Variants in FAT3 observed in about 807,000 individuals in gnomAD.
FAT3 encodes the protein FAT atypical cadherin 3, also known as protocadherin Fat 3.
In FAT3, 95 loss-of-function variants were observed where a neutral mutation model predicts 310.2. That is an observed-to-expected ratio of 0.31 (90% CI 0.26 to 0.36). The LOEUF (loss-of-function observed/expected upper bound fraction) is 0.36, where lower values mean the gene tolerates loss of function less well. FAT3 is among the 10% of genes least tolerant of loss of function. FAT3 has a pLI of 1.00. For synonymous variants in FAT3, 2,314 were observed against 2,192.9 expected (o/e 1.06, Z -1.54); for missense variants, 5,408 against 5,715.6 (o/e 0.95, Z 1.74).
intron 2 of FAT3, among the ~76,000 whole-genome samples, chr11:92,425,543 C>G (rs987648579): frequency 1.2e-4 from 19 of 152,128 alleles, no homozygotes; most frequent in African/African-American, 3.6e-4. Flanking sequence ...CCCTTGCCCC[C>G]ACCCCCAACA....
At chr11:92,835,265 A>G (rs1332609377) in intron 15 of FAT3, among the ~76,000 whole-genome samples, 181 bp downstream of exon 15, 1 of 152,230 alleles carries the variant, frequency 6.6e-6, no homozygotes, top group African/African-American at 2.4e-5. Flanking sequence ...TATTAGGAAG[A>G]GTCTGATAGA....
chr11:92,569,981 C>T (rs1007558828), intron 3 of FAT3, among the ~76,000 whole-genome samples: 3 of 152,088 alleles, frequency 2.0e-5, no homozygotes, highest in African/African-American at 4.8e-5. Context: ...TTTGTCTGAC[C>T]GTATGTATTC....
At chr11:92,424,882 GATT>G (rs1252453429) in intron 2 of FAT3, among the ~76,000 whole-genome samples, 1 of 152,090 alleles carries the variant, frequency 6.6e-6, no homozygotes, top group Non-Finnish European at 1.5e-5. Flanking sequence ...ATTGTAATGT[GATT>G]ATTAACTTTT....
chr11:92,600,673 G>A (rs1344780509), intron 3 of FAT3, among the ~76,000 whole-genome samples: 13 of 152,024 alleles, frequency 8.6e-5, no homozygotes. Flanking sequence ...GTGCTTTGAT[G>A]GAACATGTAT....
At chr11:92,585,876 AT>A (rs1939121607) in intron 3 of FAT3, among the ~76,000 whole-genome samples, 1 of 151,640 alleles carries the variant, frequency 6.6e-6, no homozygotes, top group African/African-American at 2.4e-5. Flanking sequence ...TACCAAAAAA[AT>A]CTAACAATCT....
chr11:92,296,588 A>G (rs1946855361), intron 1 of FAT3, among the ~76,000 whole-genome samples: 1 of 152,076 alleles, frequency 6.6e-6, no homozygotes, highest in African/African-American at 2.4e-5. Context: ...GTGCATGTCA[A>G]GTTCAACTTG....
At chr11:92,452,033 A>AG (rs771543338) in intron 2 of FAT3, among the ~76,000 whole-genome samples, 26 of 152,336 alleles carry the variant, frequency 1.7e-4, no homozygotes, top group Non-Finnish European at 2.6e-4. Context: ...CTTTATACAT[A>AG]GATAGGCAGA....
chr11:92,708,826 CA>C (rs1387756501), intron 4 of FAT3, among the ~76,000 whole-genome samples: 2 of 152,222 alleles, frequency 1.3e-5, no homozygotes, highest in Non-Finnish European at 2.9e-5. Flanking sequence ...AGAGATTTAT[CA>C]GCTTCCGCTG....
intron 2 of FAT3, among the ~76,000 whole-genome samples, chr11:92,375,518 G>T (rs955119676): frequency 1.8e-4 from 18 of 99,946 alleles, no homozygotes; most frequent in African/African-American, 1.6e-3. Context: ...ATTTGAGGAA[G>T]ATGAGACTTA....
intron 19 of FAT3, among the ~76,000 whole-genome samples, chr11:92,845,880 G>C (rs7121468): frequency 0.014 from 2,160 of 152,206 alleles, 54 homozygotes; most frequent in African/African-American, 0.049. Flanking sequence ...CTCCCTCTGA[G>C]AGACACTTTG....
intron 2 of FAT3, among the ~76,000 whole-genome samples, chr11:92,424,136 T>G (rs1187326287): frequency 6.6e-6 from 1 of 152,124 alleles, no homozygotes; most frequent in East Asian, 1.9e-4. Flanking sequence ...AGCTGACCCA[T>G]TCTTCCTGAT....
chr11:92,596,178 T>G (rs984687517), intron 3 of FAT3, among the ~76,000 whole-genome samples: 3 of 152,220 alleles, frequency 2.0e-5, no homozygotes, highest in Non-Finnish European at 4.4e-5. Flanking sequence ...AGCCTACTCG[T>G]GTTGGGTAGG....
intron 1 of FAT3, among the ~76,000 whole-genome samples, chr11:92,256,913 A>G (rs1332856669): frequency 6.6e-6 from 1 of 152,068 alleles, no homozygotes; most frequent in Non-Finnish European, 1.5e-5. Context: ...TTAGGCTGTA[A>G]ATCGTATAAT....
rs916758565 is a variant in FAT3, at chr11:92,783,858, G to A, written c.4336-6085G>A. Among the ~76,000 whole-genome samples the A allele has an allele frequency of 5.9e-5, 9 of 152,184 alleles. No homozygotes were observed. In the South Asian group the frequency reaches 1.9e-3, roughly 32 times the overall value. ...ACAACTTATGAGGAGATCAATTTTT[G>A]AAAATAGATTCTAATTTTAAAGGGA... On this transcript the variant is annotated intron_variant, in intron 7 of 27. Coordinates refer to ENST00000525166, the MANE Select transcript of FAT3 (RefSeq NM_001367949.2).
At chr11:92,400,448 G>A (rs1423491779) in intron 2 of FAT3, 2 of 152,148 alleles carry the variant, frequency 1.3e-5, no homozygotes, top group Non-Finnish European at 2.9e-5. Flanking sequence ...TAAGGTTAAT[G>A]AGAAATGGCG....
At chr11:92,855,849 A>G (rs1375541290) in intron 19 of FAT3, among the ~76,000 whole-genome samples, 3 of 152,152 alleles carry the variant, frequency 2.0e-5, no homozygotes, top group Non-Finnish European at 4.4e-5. Flanking sequence ...GGATTTATGA[A>G]TTCTGAGTTT....
At chr11:92,308,644 C>T (rs1411491247) in intron 1 of FAT3, among the ~76,000 whole-genome samples, 2 of 151,972 alleles carry the variant, frequency 1.3e-5, no homozygotes, top group East Asian at 1.9e-4. Context: ...TGAGTTAAGC[C>T]CAGAAAACCT....
At position 92,867,199 on chromosome 11, in the gene FAT3, G is replaced by A. The variant is rs778001275; in HGVS notation, c.12117G>A (p.Leu4039=). The A allele has an allele frequency of 2.5e-6, 4 of 1,573,716 alleles. No individual in the cohort carries two copies. In the South Asian group the frequency reaches 4.6e-5, roughly 18 times the overall value. Reference sequence around the variant, plus strand: ...AGCACGGGGGCAGCTGCACTGGCCTGCCATCGGGGGGTGAGTGTGGCTACG... The same window carrying A: ...AGCACGGGGGCAGCTGCACTGGCCTACCATCGGGGGGTGAGTGTGGCTACG... ...PCQHGGSCTG[L]PSGGYQCTCL... The change falls in exon 22 of 28, where the codon CTG becomes CTA. Residue 4039 remains leucine (L), a synonymous_variant. Transcript: ENST00000525166.
chr11:92,719,838 G>T (rs993161700), intron 4 of FAT3, among the ~76,000 whole-genome samples: 4 of 150,272 alleles, frequency 2.7e-5, no homozygotes, highest in African/African-American at 9.8e-5. Flanking sequence ...TTAATAAATG[G>T]ATGCTTGCAC....
Sources: gnomAD v4.1 joint callset for allele counts (sites outside exome capture counted in the v4.1 genomes callset) on GRCh38, gnomAD v4.1.1 for gene constraint, MANE v1.5 for transcripts, NCBI Gene and HGNC (gene_info 2026-07-23, HGNC 2026-07-21) for gene names.